The following SLC44A5 variants were observed in gnomAD, a reference collection of about 807,000 sequenced individuals.
SLC44A5 encodes the protein solute carrier family 44 member 5, also known as choline transporter-like protein 5.
Under a neutral mutation model 101.8 loss-of-function variants are expected in SLC44A5, and 57 were observed. The ratio of observed to expected loss-of-function variants is 0.56; its 90% confidence interval spans 0.45 to 0.70. The LOEUF is 0.70. Among genes scored for constraint, SLC44A5 ranks in the 30% least tolerant of loss-of-function variants. The pLI, the probability that SLC44A5 is intolerant of heterozygous loss-of-function variation, is 0.00. For synonymous variants in SLC44A5, 281 were observed against 290.9 expected (o/e 0.97, Z 0.35); for missense variants, 737 against 853.1 (o/e 0.86, Z 1.70).
rs6685905 is a variant in SLC44A5, at chr1:75,244,381, G to A, written c.346-1370C>T. 9.0e-3 allele frequency among the ~76,000 whole-genome samples: 1,362 copies of A among 152,134 alleles called. 31 individuals carry two copies. Among genetic ancestry groups the A allele is most frequent in the African/African-American group, 0.031 (1,288 of 41,522 alleles). ...GTATAATTTAAGATTAATATTGCTT[G>A]TGTAGTCAATGCATATTCAGGGTTA... On this transcript the variant is annotated intron_variant, in intron 7 of 23. Transcript: ENST00000370859.
chr1:75,582,118 CCA>C, intron 1 of SLC44A5: 1 of 737,110 alleles, frequency 1.4e-6, no homozygotes. Flanking sequence ...AAGAACCACA[CCA>C]CACACAACTG....
chr1:75,349,929 A>C (rs573413521), intron 3 of SLC44A5, among the ~76,000 whole-genome samples: 1 of 152,330 alleles, frequency 6.6e-6, no homozygotes, highest in South Asian at 2.1e-4. Flanking sequence ...AAATAGAATA[A>C]GAAATTTGGT....
At chr1:75,319,763 C>T (rs913842041) in intron 4 of SLC44A5, among the ~76,000 whole-genome samples, 1 of 152,012 alleles carries the variant, frequency 6.6e-6, no homozygotes, top group Non-Finnish European at 1.5e-5. Context: ...GTATAATGAT[C>T]ATATATCATG....
chr1:75,322,418 C>T (rs773549849), intron 4 of SLC44A5, among the ~76,000 whole-genome samples: 6 of 151,976 alleles, frequency 3.9e-5, no homozygotes, highest in Non-Finnish European at 8.8e-5. Context: ...AATCTCATTT[C>T]ATCTGATGGT....
chr1:75,715,814 C>A, the SLC44A5 span, among the ~76,000 whole-genome samples: 1 of 152,042 alleles, frequency 6.6e-6, no homozygotes, highest in Non-Finnish European at 1.5e-5. Context: ...ATTAAAGTAA[C>A]GAGCTTCTGA....
At chr1:75,217,164 A>G (rs545948598) in intron 18 of SLC44A5, among the ~76,000 whole-genome samples, 2 of 152,028 alleles carry the variant, frequency 1.3e-5, no homozygotes, top group South Asian at 4.2e-4. Flanking sequence ...ATTCTTTTGC[A>G]TGTGGATATC....
At chr1:75,454,023 G>A (rs1035250715) in intron 2 of SLC44A5, among the ~76,000 whole-genome samples, 1 of 152,072 alleles carries the variant, frequency 6.6e-6, no homozygotes, top group Non-Finnish European at 1.5e-5. Context: ...AATTGAGGGA[G>A]AGGGACTCTT....
intron 2 of SLC44A5, among the ~76,000 whole-genome samples, chr1:75,480,737 C>G (rs917896021): frequency 6.6e-6 from 1 of 152,110 alleles, no homozygotes. Flanking sequence ...CAAACCACTG[C>G]TCAATGAAAT....
chr1:75,668,313 G>GA, the SLC44A5 span, among the ~76,000 whole-genome samples: 1 of 82,494 alleles, frequency 1.2e-5, no homozygotes, highest in South Asian at 4.6e-4. Flanking sequence ...GATCCTAGGA[G>GA]CCTTTTTTTT....
At chr1:75,538,456 T>C (rs211747) in intron 2 of SLC44A5, among the ~76,000 whole-genome samples, 32,543 of 152,124 alleles carry the variant, frequency 0.21, 3,775 homozygotes, top group Admixed American at 0.3. Context: ...TTACAATATA[T>C]TTTTTAAATT....
At chr1:75,347,563 A>G (rs1399365054) in intron 3 of SLC44A5, among the ~76,000 whole-genome samples, 2 of 152,164 alleles carry the variant, frequency 1.3e-5, no homozygotes, top group Non-Finnish European at 2.9e-5. Flanking sequence ...CAGGAGAAAC[A>G]GCAGACAACA....
chr1:75,441,580 T>C (rs1665205169), intron 2 of SLC44A5, among the ~76,000 whole-genome samples: 1 of 151,878 alleles, frequency 6.6e-6, no homozygotes, highest in Non-Finnish European at 1.5e-5. Context: ...TTAAATTTGC[T>C]GGAGTATTGG....
intron 1 of SLC44A5, among the ~76,000 whole-genome samples, chr1:75,578,868 A>T (rs1673522968): frequency 6.6e-6 from 1 of 152,192 alleles, no homozygotes; most frequent in South Asian, 2.1e-4. Flanking sequence ...TATATATATA[A>T]AATATGCTGT....
intron 10 of SLC44A5, 133 bp downstream of exon 10, chr1:75,238,380 T>C (rs1648300737): frequency 5.0e-6 from 1 of 201,642 alleles, no homozygotes; most frequent in South Asian, 2.4e-4. Flanking sequence ...GTAACACGTA[T>C]ATTTCATATA....
chr1:75,235,933 G>C (rs969779054), intron 11 of SLC44A5, among the ~76,000 whole-genome samples: 1 of 152,060 alleles, frequency 6.6e-6, no homozygotes, highest in Non-Finnish European at 1.5e-5. Context: ...ATAAGTATGT[G>C]TGTGTATTTA....
chr1:75,693,184 C>G, the SLC44A5 span, among the ~76,000 whole-genome samples: 4 of 152,072 alleles, frequency 2.6e-5, no homozygotes, highest in Admixed American at 2.0e-4. Flanking sequence ...GGAGGCTGGA[C>G]AGTTAGTCAG....
At chr1:75,379,209 C>T (rs1313947183) in intron 3 of SLC44A5, among the ~76,000 whole-genome samples, 1 of 69,322 alleles carries the variant, frequency 1.4e-5, no homozygotes, top group Non-Finnish European at 2.3e-5. Flanking sequence ...TTATTAGATT[C>T]CATTGCTCAT....
intron 4 of SLC44A5, among the ~76,000 whole-genome samples, chr1:75,302,112 G>GTTTTT (rs10684140): frequency 0.052 from 3,108 of 60,148 alleles, 543 homozygotes; most frequent in African/African-American, 0.14. Flanking sequence ...TAGTTTTTTT[G>GTTTTT]TTTTTTTTTT....
chr1:75,234,119 A>C, intron 11 of SLC44A5, 21 bp from the exon 12 acceptor site: 3 of 1,557,140 alleles, frequency 1.9e-6, no homozygotes, highest in Non-Finnish European at 2.7e-6. Context: ...CCCACAACAA[A>C]CACAGTGGTC....
Sources: gnomAD v4.1 joint callset for allele counts (sites outside exome capture counted in the v4.1 genomes callset) on GRCh38, gnomAD v4.1.1 for gene constraint, MANE v1.5 for transcripts, NCBI Gene and HGNC (gene_info 2026-07-23, HGNC 2026-07-21) for gene names.